Variants in STRN4 observed in about 807,000 individuals in gnomAD.
STRN4 encodes the protein striatin-4.
A neutral mutation model predicts 77.9 loss-of-function variants in STRN4; 27 were observed. The ratio of observed to expected loss-of-function variants is 0.35; its 90% CI spans 0.26 to 0.48. STRN4 has a LOEUF of 0.48. STRN4 is among the 20% of genes least tolerant of loss of function. STRN4 has a pLI of 0.99. For synonymous variants in STRN4, 466 were observed against 443.1 expected (o/e 1.05, Z -0.65); for missense variants, 798 against 1,049.7 (o/e 0.76, Z 3.31).
In STRN4 at chr19:46,741,034, G is replaced by A. The variant is rs997183022; in HGVS notation, c.283-2146C>T. On this transcript the variant is annotated intron_variant, in intron 1 of 17. Transcript: ENST00000263280. This position sits in a 1 kb window ranked among gnomAD's most constrained non-coding sequence, Gnocchi z 4.9. ...AAAAGGCTCAGTGAAGCCATGGAAG[G>A]GTTTTAAGTACAGAGAGGTAACCGA... 8.5e-5 allele frequency among the ~76,000 whole-genome samples: 13 copies of A among 152,174 alleles called. No homozygotes were observed. Among genetic ancestry groups the A allele is most frequent in the African/African-American group, 3.1e-4 (13 of 41,450 alleles).
At position 46,738,769 on chromosome 19, in the gene STRN4, C is replaced by A; in HGVS notation, c.386+16G>T. 1 of 1,613,722 alleles carries A rather than the reference C, an allele frequency of 6.2e-7. No individual in the cohort carries two copies. The highest frequency in any genetic ancestry group is 1.1e-5 in the South Asian group (1 of 91,072). ...ACGGACCCAGAAGGCAGGCCCAGGG[C>A]AGGATGAAGGCTCACCTTTCCTGCT... On this transcript the variant is annotated intron_variant, in intron 2 of 17. Transcript: ENST00000263280. The surrounding 1 kb of genome is among the most constrained non-coding windows in gnomAD (Gnocchi z 4.5).
In STRN4 at chr19:46,730,906, G is replaced by A. The variant is rs760151490; in HGVS notation, c.738-33C>T. 2.5e-6 allele frequency: 4 copies of A among 1,603,060 alleles called. No homozygotes were observed. The South Asian group carries it at 4.4e-5, about 18-fold the overall frequency. On this transcript the variant is annotated intron_variant, in intron 5 of 17. Coordinates refer to ENST00000263280, the MANE Select transcript of STRN4 (RefSeq NM_013403.3). ...AGACAGCAGAGCAGAGGAGGCATGA[G>A]TCCTGGCAGGTGTCAAAGCTCAGAT...
At chr19:46,726,567 C>A (rs889051819) in intron 9 of STRN4, among the ~76,000 whole-genome samples, 4 of 151,746 alleles carry the variant, frequency 2.6e-5, no homozygotes, top group African/African-American at 9.7e-5. Context: ...GGAGACCAGA[C>A]ACGTGACCAT....
chr19:46,742,687 C>G (rs925835822), intron 1 of STRN4, among the ~76,000 whole-genome samples: 2 of 152,104 alleles, frequency 1.3e-5, no homozygotes, highest in Non-Finnish European at 2.9e-5. Context: ...CTCAGCCTCC[C>G]GAGTAGCTGG....
chr19:46,736,852 C>T lies in STRN4; in HGVS notation c.510G>A (p.Val170=). ...GGAGAAGCTGCCGCCCCTCCTTCCA[C>T]ACCAACGGGCTGTTCTCCAGGGTGA... ...ESVTLENSPL[V]WKEGRQLLRQ... is the part of the protein sequence containing the mutation. Residue 170 remains valine (V), a synonymous_variant, in exon 4 of 18, where the codon GTG becomes GTA. Transcript: ENST00000263280. 1.2e-6 allele frequency: 2 copies of T among 1,613,402 alleles called. No homozygotes were observed. Among genetic ancestry groups the T allele is most frequent in the Admixed American group, 1.7e-5 (1 of 59,948 alleles).
In STRN4 at chr19:46,728,753, C is replaced by A; in HGVS notation, c.904G>T (p.Glu302Ter). The part of the protein sequence containing the change: ...VKLPSKALVP[E>*]MEDEDEEDDS... ...TCTTCCTCATCCTCGTCTTCCATTT[C>A]GGGCACCAGAGCCTTGGATGGGAGC... is the stretch of plus-strand genomic sequence containing the variant. Residue 302 changes from glutamate (E) to a stop codon, truncating the protein, a stop_gained, in exon 7 of 18, where the codon GAA (glutamate) becomes TAA (stop). Coordinates refer to ENST00000263280, the MANE Select transcript of STRN4 (RefSeq NM_013403.3). LOFTEE classifies it high-confidence loss of function. 1.9e-6 allele frequency: 3 copies of A among 1,614,180 alleles called. No individual in the cohort carries two copies. The highest frequency in any genetic ancestry group is 2.5e-6 in the Non-Finnish European group (3 of 1,179,996).
At chr19:46,732,332 A>C (rs1235644777) in intron 5 of STRN4, 1 of 152,530 alleles carries the variant, frequency 6.6e-6, no homozygotes, top group African/African-American at 2.4e-5. Flanking sequence ...CACAACCCTG[A>C]GTCAAACTCA....
chr19:46,742,773 C>T (rs368298813), intron 1 of STRN4, among the ~76,000 whole-genome samples: 12 of 152,264 alleles, frequency 7.9e-5, no homozygotes, highest in East Asian at 7.7e-4. Context: ...ATATCGGCCA[C>T]GCTGGTCTTG....
At chr19:46,728,593 G>A (rs1568395248) in intron 7 of STRN4, 25 bp downstream of exon 7, 2 of 1,605,500 alleles carry the variant, frequency 1.2e-6, no homozygotes, top group Admixed American at 1.7e-5. Flanking sequence ...GGCAAGCGGG[G>A]GCTGGCCAGA....
At chr19:46,736,802 C>T in intron 4 of STRN4, 21 bp downstream of exon 4, 4 of 1,611,276 alleles carry the variant, frequency 2.5e-6, no homozygotes, top group Non-Finnish European at 3.4e-6. Context: ...GTCCCCAGCC[C>T]CCCTCCCCGA....
At chr19:46,730,670 G>C (rs533964872) in intron 6 of STRN4, 62 bp downstream of exon 6, 1 of 1,588,096 alleles carries the variant, frequency 6.3e-7, no homozygotes, top group Admixed American at 1.7e-5. Context: ...AGGCTGACTC[G>C]GAAGGGCTTC....
intron 4 of STRN4, 95 bp downstream of exon 4, chr19:46,736,728 C>T: frequency 7.9e-7 from 1 of 1,265,804 alleles, no homozygotes; most frequent in Non-Finnish European, 1.1e-6. Flanking sequence ...TTCAGCATCC[C>T]CAGTGGGGAC....
At chr19:46,725,993 C>G (rs1385715197) in intron 9 of STRN4, 3 of 223,196 alleles carry the variant, frequency 1.3e-5, no homozygotes, top group Non-Finnish European at 1.8e-5. Context: ...TAAAGATGCA[C>G]AGAGAGACAT....
Position 46,736,905 on chromosome 19 carries a change from G to A in STRN4, c.461-4C>T, listed in dbSNP as rs763986993. The A allele has an allele frequency of 4.3e-6, 7 of 1,611,196 alleles. No individual in the cohort carries two copies. The highest frequency in any genetic ancestry group is 1.1e-5 in the South Asian group (1 of 90,688). On this transcript the variant is annotated splice_region_variant and splice_polypyrimidine_tract_variant and intron_variant, in intron 3 of 17. Transcript: ENST00000263280. ...GATTCCACGGGGCCATTGGAGACTG[G>A]CGGGTGAGAGAACGGAGGCTGTCTT...
At chr19:46,722,476 C>T (rs541784142) in intron 14 of STRN4, 136 bp from the exon 15 acceptor site, 10 of 926,300 alleles carry the variant, frequency 1.1e-5, no homozygotes, top group African/African-American at 3.3e-5. Flanking sequence ...GAGGGCACTC[C>T]GGTCCCCGAC....
At chr19:46,732,176 T>G (rs933696359) in intron 5 of STRN4, 1 of 152,434 alleles carries the variant, frequency 6.6e-6, no homozygotes, top group Admixed American at 6.6e-5. Context: ...TCACCACCGC[T>G]AAAGTCCATC....
At chr19:46,730,998 G>C in intron 5 of STRN4, 125 bp from the exon 6 acceptor site, 2 of 1,353,356 alleles carry the variant, frequency 1.5e-6, no homozygotes, top group Admixed American at 4.3e-5. Flanking sequence ...CCCCTGAGCA[G>C]CCTTGACTCT....
In STRN4 at chr19:46,746,421, C is replaced by T. The variant is rs1470129629; in HGVS notation, c.10G>A (p.Glu4Lys). Reference protein sequence around the residue: MMEERAAAAVAAAA... With the variant: MMEKRAAAAVAAAA... ...GCGGCGACCGCGGCGGCCGCTCGCT[C>T]CTCCATCATGGAGGCCCCGGGGCCG... Residue 4 changes from glutamate (E) to lysine (K), a missense_variant, in exon 1 of 18, where the codon GAG becomes AAG. Glu to Lys is a moderately conservative substitution (Grantham distance 56). Coordinates refer to ENST00000263280, the MANE Select transcript of STRN4 (RefSeq NM_013403.3). 4 of 1,033,806 alleles carry T rather than the reference C, an allele frequency of 3.9e-6. No homozygotes were observed. In the African/African-American group the frequency reaches 5.2e-5, roughly 13 times the overall value. 64.0% of individuals were successfully genotyped at this position (1,033,806 alleles called of 1,614,324 possible). A position where few individuals can be genotyped will look rare whatever the true frequency, so the allele number is the denominator to read the frequency against.
At chr19:46,721,135 C>A in intron 16 of STRN4, 1 of 181,808 alleles carries the variant, frequency 5.5e-6, no homozygotes, top group Admixed American at 6.2e-5. Context: ...AGAATGGCCC[C>A]AGGAGGAATG....
Sources: gnomAD v4.1 joint callset for allele counts (sites outside exome capture counted in the v4.1 genomes callset) on GRCh38, gnomAD v4.1.1 for gene constraint, Gnocchi (gnomAD v3.1) non-coding constraint, MANE v1.5 for transcripts, NCBI Gene and HGNC (gene_info 2026-07-23, HGNC 2026-07-21) for gene names.